The following SEMA6D variants were observed in gnomAD, a reference collection of about 807,000 sequenced individuals.
SEMA6D encodes the protein semaphorin 6D.
Under a neutral mutation model 106.6 loss-of-function variants are expected in SEMA6D, and 35 were observed. The ratio of observed to expected loss-of-function variants is 0.33; its 90% CI spans 0.25 to 0.44. The LOEUF (loss-of-function observed/expected upper bound fraction) is 0.44, where lower values mean the gene tolerates loss of function less well. Among genes scored for constraint, SEMA6D ranks in the 20% least tolerant of loss-of-function variants. The pLI is 1.00. For synonymous variants in SEMA6D, 499 were observed against 487.7 expected (o/e 1.02, Z -0.31); for missense variants, 1,185 against 1,345.9 (o/e 0.88, Z 1.87).
At chr15:47,291,533 A>C (rs1016434753) in intron 1 of SEMA6D, among the ~76,000 whole-genome samples, 1 of 152,014 alleles carries the variant, frequency 6.6e-6, no homozygotes, top group African/African-American at 2.4e-5. Context: ...TCCCTTCCTA[A>C]CCAGCTGCCT....
chr15:47,353,447 C>T (rs2144862169), intron 1 of SEMA6D, among the ~76,000 whole-genome samples: 1 of 152,256 alleles, frequency 6.6e-6, no homozygotes, highest in African/African-American at 2.4e-5. Flanking sequence ...AAGAGTTGCA[C>T]ATTCCTTGCT....
intron 1 of SEMA6D, among the ~76,000 whole-genome samples, chr15:47,727,582 GAGCTGA>G (rs1031599011): frequency 7.2e-5 from 11 of 152,192 alleles, no homozygotes; most frequent in Admixed American, 5.2e-4. Flanking sequence ...GAATGATTAT[GAGCTGA>G]AGACATCCCA....
At chr15:47,350,714 G>A (rs2038289486) in intron 1 of SEMA6D, among the ~76,000 whole-genome samples, 1 of 152,092 alleles carries the variant, frequency 6.6e-6, no homozygotes, top group Non-Finnish European at 1.5e-5. Context: ...ATTTTTAAAA[G>A]AACTGTAGCT....
intron 2 of SEMA6D, among the ~76,000 whole-genome samples, chr15:47,466,019 A>G (rs1295600941): frequency 6.6e-6 from 1 of 152,184 alleles, no homozygotes; most frequent in Non-Finnish European, 1.5e-5. Context: ...TCCCAGCTTT[A>G]TAGGTGGTAT....
At chr15:47,543,287 C>T (rs866151703) in intron 3 of SEMA6D, among the ~76,000 whole-genome samples, 3 of 152,040 alleles carry the variant, frequency 2.0e-5, no homozygotes, top group East Asian at 3.9e-4. Context: ...GTAATAATCC[C>T]CATGTGTCAA....
At chr15:47,717,767 C>CTGTGTGTGTGTGTGTGTG (rs112847344) in intron 1 of SEMA6D, 75 bp downstream of exon 1, 6 of 115,356 alleles carry the variant, frequency 5.2e-5, no homozygotes, top group African/African-American at 2.4e-4. Flanking sequence ...TCCCGAATCG[C>CTGTGTGTGTGTGTGTGTG]TGTGTGTGTG....
chr15:47,375,675 A>G (rs1460699373), intron 1 of SEMA6D, among the ~76,000 whole-genome samples: 1 of 152,206 alleles, frequency 6.6e-6, no homozygotes, highest in African/African-American at 2.4e-5. Context: ...TCTAATTCTT[A>G]TAAGACAAAG....
chr15:47,315,403 A>G (rs905297763), intron 1 of SEMA6D, among the ~76,000 whole-genome samples: 3 of 152,224 alleles, frequency 2.0e-5, no homozygotes, highest in South Asian at 2.1e-4. Flanking sequence ...CCAGCTGACT[A>G]CATTTACGGG....
chr15:47,660,746 G>A (rs1328449207), intron 4 of SEMA6D, among the ~76,000 whole-genome samples: 1 of 152,088 alleles, frequency 6.6e-6, no homozygotes, highest in African/African-American at 2.4e-5. Context: ...TGAATCTAGA[G>A]TGATTCATAA....
intron 1 of SEMA6D, among the ~76,000 whole-genome samples, chr15:47,270,248 A>G (rs545742421): frequency 1.0e-4 from 15 of 149,682 alleles, no homozygotes; most frequent in African/African-American, 3.4e-4. Context: ...TGCCATGTAA[A>G]TGCTATTTTA....
chr15:47,371,845 AT>A (rs1352216112), intron 1 of SEMA6D, among the ~76,000 whole-genome samples: 1 of 152,200 alleles, frequency 6.6e-6, no homozygotes, highest in Non-Finnish European at 1.5e-5. Flanking sequence ...TGTCAGGCCT[AT>A]GCTGAATGCT....
Position 47,561,038 on chromosome 15 carries a change from C to T in SEMA6D, c.-86-39827C>T, listed in dbSNP as rs112274908. Among the ~76,000 whole-genome samples, 310 of 148,016 alleles carry T rather than the reference C, an allele frequency of 2.1e-3. 1 individual carries two copies. The highest frequency in any genetic ancestry group is 7.4e-3 in the African/African-American group (301 of 40,472). ...TTCCTAGTATGTTATTAAGGGTGCT[C>T]AGGAAACTAATACAAAACAGAAAAA... On this transcript the variant is annotated intron_variant, in intron 3 of 19. Coordinates refer to the SEMA6D transcript ENST00000558014.
chr15:47,736,558 T>A (rs187845371), intron 1 of SEMA6D, among the ~76,000 whole-genome samples: 104 of 152,332 alleles, frequency 6.8e-4, no homozygotes, highest in Non-Finnish European at 1.1e-3. Flanking sequence ...AGTTTGTCGC[T>A]TATTTGGATC....
intron 3 of SEMA6D, among the ~76,000 whole-genome samples, chr15:47,595,051 A>G (rs1007094664): frequency 2.0e-5 from 3 of 152,188 alleles, no homozygotes; most frequent in African/African-American, 7.2e-5. Context: ...TTGAGAAGAA[A>G]GATAGGTGCC....
chr15:47,735,484 C>T (rs1286667300), intron 1 of SEMA6D, among the ~76,000 whole-genome samples: 1 of 152,178 alleles, frequency 6.6e-6, no homozygotes, highest in African/African-American at 2.4e-5. Flanking sequence ...TGTTTAATGG[C>T]AGACACAGAC....
At chr15:47,601,206 A>G (rs1471370728) in intron 4 of SEMA6D, among the ~76,000 whole-genome samples, 1 of 152,174 alleles carries the variant, frequency 6.6e-6, no homozygotes, top group Non-Finnish European at 1.5e-5. Flanking sequence ...TGATGTTCAA[A>G]AACAGAAGAA....
intron 3 of SEMA6D, among the ~76,000 whole-genome samples, chr15:47,525,645 C>G (rs954720693): frequency 6.6e-6 from 1 of 152,036 alleles, no homozygotes; most frequent in Non-Finnish European, 1.5e-5. Context: ...TAATTGCTAT[C>G]GACTACTCAT....
intron 1 of SEMA6D, among the ~76,000 whole-genome samples, chr15:47,256,859 A>C (rs2033829066): frequency 6.6e-6 from 1 of 152,174 alleles, no homozygotes; most frequent in African/African-American, 2.4e-5. Context: ...ATTCTGTCCC[A>C]AAAAATAAAA....
chr15:47,442,157 CCACTCA>C (rs1175039645), intron 2 of SEMA6D, among the ~76,000 whole-genome samples: 1 of 152,034 alleles, frequency 6.6e-6, no homozygotes, highest in Non-Finnish European at 1.5e-5. Flanking sequence ...GACAATATTT[CCACTCA>C]AGTGTTTAAA....
Sources: gnomAD v4.1 joint callset for allele counts (sites outside exome capture counted in the v4.1 genomes callset) on GRCh38, gnomAD v4.1.1 for gene constraint, MANE v1.5 for transcripts, NCBI Gene and HGNC (gene_info 2026-07-23, HGNC 2026-07-21) for gene names.